Variants in RBFOX1 observed in about 807,000 individuals in gnomAD.
RBFOX1 encodes the protein RNA binding protein fox-1 homolog 1.
A neutral mutation model predicts 57.7 loss-of-function variants in RBFOX1; 8 were observed. The ratio of observed to expected loss-of-function variants is 0.14; its 90% CI spans 0.08 to 0.25. RBFOX1 has a LOEUF of 0.25. Among genes scored for constraint, RBFOX1 ranks in the 10% least tolerant of loss-of-function variants. The probability of loss-of-function intolerance (pLI) is 1.00; values close to 1 mark genes in which losing one functional copy is unlikely to be tolerated. For synonymous variants in RBFOX1, 326 were observed against 222.4 expected, an observed-to-expected ratio of 1.47 and a Z score of -4.15; for missense variants, 611 against 548.5, an observed-to-expected ratio of 1.11 and a Z score of -1.14.
intron 2 of RBFOX1, among the ~76,000 whole-genome samples, chr16:6,379,616 A>C (rs2091580124): frequency 6.6e-6 from 1 of 151,560 alleles, no homozygotes; most frequent in Non-Finnish European, 1.5e-5. Context: ...AGAATCATTC[A>C]TGTCAAATGG....
At chr16:7,403,915 A>T (rs940611963) in intron 4 of RBFOX1, among the ~76,000 whole-genome samples, 1 of 149,750 alleles carries the variant, frequency 6.7e-6, no homozygotes, top group African/African-American at 2.4e-5. Flanking sequence ...TTATTCTTTT[A>T]TATATATATA....
intron 14 of RBFOX1, among the ~76,000 whole-genome samples, chr16:7,699,419 T>G (rs1228421192): frequency 6.6e-6 from 1 of 152,188 alleles, no homozygotes; most frequent in Non-Finnish European, 1.5e-5. Flanking sequence ...CTCAAACTCC[T>G]GGCCTCAAGC....
At chr16:6,648,146 A>T (rs1602636398) in intron 2 of RBFOX1, among the ~76,000 whole-genome samples, 2 of 152,094 alleles carry the variant, frequency 1.3e-5, no homozygotes, top group Non-Finnish European at 2.9e-5. Flanking sequence ...CCCGGCTTCA[A>T]GTGATCCTTC....
At chr16:7,462,311 A>G (rs189237502) in intron 4 of RBFOX1, among the ~76,000 whole-genome samples, 143 of 152,332 alleles carry the variant, frequency 9.4e-4, no homozygotes, top group African/African-American at 3.4e-3. Flanking sequence ...CCTGGCCAAT[A>G]TGGTGAAACC....
chr16:5,578,346 T>C (rs1002433000), intron 2 of RBFOX1, among the ~76,000 whole-genome samples: 9 of 152,084 alleles, frequency 5.9e-5, no homozygotes, highest in African/African-American at 2.2e-4. Context: ...AATTTACTTG[T>C]TGGGTGGGGT....
chr16:7,344,093 C>G (rs894600709), intron 4 of RBFOX1, among the ~76,000 whole-genome samples: 8 of 145,202 alleles, frequency 5.5e-5, no homozygotes, highest in Admixed American at 2.1e-4. Flanking sequence ...GTTAGAATCT[C>G]AGCTTTACTT....
At chr16:5,604,644 A>G (rs1193820435), downstream of RBFOX1, among the ~76,000 whole-genome samples, 1 of 152,188 alleles carries the variant, frequency 6.6e-6, no homozygotes, top group Non-Finnish European at 1.5e-5. Flanking sequence ...GGTCCTGCCT[A>G]CATGCTACTG....
chr16:7,446,605 C>A (rs1158202781), intron 4 of RBFOX1, among the ~76,000 whole-genome samples: 1 of 152,014 alleles, frequency 6.6e-6, no homozygotes, highest in Non-Finnish European at 1.5e-5. Flanking sequence ...AGTTCTCTTT[C>A]AAGATCAGAT....
chr16:6,264,504 C>G lies in RBFOX1; in HGVS notation c.-126-52491C>G, dbSNP rs561287984. On this transcript the variant is annotated intron_variant, in intron 1 of 15. Transcript: ENST00000550418. ...CAGTGAGTGATCAGATTGCATCAGG[C>G]CCATCGGTTCTCATTGCTTACCATT... Among the ~76,000 whole-genome samples, 3 of 152,278 alleles carry G rather than the reference C, an allele frequency of 2.0e-5. No individual in the cohort carries two copies. In the South Asian group the frequency reaches 6.2e-4, roughly 32 times the overall value.
At chr16:7,080,080 T>G (rs1005301463) in intron 4 of RBFOX1, among the ~76,000 whole-genome samples, 3 of 139,016 alleles carry the variant, frequency 2.2e-5, no homozygotes, top group Admixed American at 1.4e-4. Context: ...CATATATACA[T>G]ATGTATATAT....
intron 11 of RBFOX1, among the ~76,000 whole-genome samples, chr16:7,645,738 T>A (rs2063616742): frequency 1.3e-5 from 2 of 152,212 alleles, no homozygotes. Flanking sequence ...AAGAAACTGT[T>A]TGTCCAAAAT....
intron 4 of RBFOX1, among the ~76,000 whole-genome samples, chr16:6,006,762 T>C (rs747083199): frequency 6.6e-6 from 1 of 152,146 alleles, no homozygotes; most frequent in Non-Finnish European, 1.5e-5. Flanking sequence ...GCTAAAGCTG[T>C]TGTTCAAGGC....
At chr16:6,090,428 G>C (rs1224544730) in intron 1 of RBFOX1, among the ~76,000 whole-genome samples, 2 of 152,186 alleles carry the variant, frequency 1.3e-5, no homozygotes, top group Non-Finnish European at 2.9e-5. Flanking sequence ...GTAGCAGCAA[G>C]CAGTCTTTTA....
At chr16:7,244,891 G>A (rs539935250) in intron 4 of RBFOX1, among the ~76,000 whole-genome samples, 70 of 152,144 alleles carry the variant, frequency 4.6e-4, no homozygotes, top group Non-Finnish European at 7.6e-4. Flanking sequence ...GAAAAGCTCC[G>A]TATCCCAAGT....
At chr16:6,079,520 T>C (rs955534516) in intron 1 of RBFOX1, among the ~76,000 whole-genome samples, 1 of 152,148 alleles carries the variant, frequency 6.6e-6, no homozygotes, top group African/African-American at 2.4e-5. Context: ...GATGAGGTCT[T>C]GCTGTGTTGT....
chr16:6,851,459 A>T (rs752065613), intron 3 of RBFOX1, among the ~76,000 whole-genome samples: 1 of 152,192 alleles, frequency 6.6e-6, no homozygotes, highest in Non-Finnish European at 1.5e-5. Context: ...AGTTATCTCA[A>T]AAAGTTTAAT....
At chr16:5,882,058 T>C (rs1376417361) in intron 4 of RBFOX1, among the ~76,000 whole-genome samples, 1 of 152,198 alleles carries the variant, frequency 6.6e-6, no homozygotes, top group African/African-American at 2.4e-5. Context: ...CAGTATTAGT[T>C]ATTTACATTT....
At chr16:6,170,893 A>G (rs1261871137) in intron 1 of RBFOX1, among the ~76,000 whole-genome samples, 1 of 152,134 alleles carries the variant, frequency 6.6e-6, no homozygotes, top group Non-Finnish European at 1.5e-5. Flanking sequence ...CTCCAGCTCC[A>G]TCCAGGTCTC....
At chr16:5,908,095 T>TATATATATATATATATATAC (rs1567133450) in intron 4 of RBFOX1, among the ~76,000 whole-genome samples, 16 of 139,864 alleles carry the variant, frequency 1.1e-4, no homozygotes, top group African/African-American at 4.8e-4. Context: ...TACACATATA[T>TATATATATATATATATATAC]ACACATATAT....
Sources: allele counts gnomAD v4.1 joint callset (sites outside exome capture counted in the v4.1 genomes callset), GRCh38; gene constraint gnomAD v4.1.1; transcripts MANE v1.5; gene names NCBI Gene and HGNC (gene_info 2026-07-23, HGNC 2026-07-21).